Variants in HSD17B8 observed in about 807,000 individuals in gnomAD.
HSD17B8 encodes the protein hydroxysteroid 17-beta dehydrogenase 8.
In HSD17B8, 23 loss-of-function variants were observed where a neutral mutation model predicts 33.2. The observed-to-expected ratio is 0.69, with a 90% CI of 0.50 to 0.98. HSD17B8 has a LOEUF of 0.98. HSD17B8 is among the 50% of genes least tolerant of loss of function. The pLI, the probability that HSD17B8 is intolerant of heterozygous loss-of-function variation, is 0.00. For synonymous variants in HSD17B8, 137 were observed against 138.6 expected, an observed-to-expected ratio of 0.99 and a Z score of 0.08; for missense variants, 345 against 347.5, an observed-to-expected ratio of 0.99 and a Z score of 0.06.
Position 33,206,694 on chromosome 6 carries a change from C to T in HSD17B8, c.*40C>T, listed in dbSNP as rs1363780551. The T allele has an allele frequency of 6.2e-7, 1 of 1,606,644 alleles. No homozygotes were observed. ...CTGGACTCTGCTCACCCCCCCACCA[C>T]TCTGCCTGGCCTCCTGCTGATGAGG... On this transcript the variant is annotated 3_prime_UTR_variant, in exon 9 of 9. Coordinates refer to ENST00000374662, the MANE Select transcript of HSD17B8 (RefSeq NM_014234.5). The surrounding 1 kb of genome is among the most constrained non-coding windows in gnomAD (Gnocchi z 6.2).
intron 1 of HSD17B8, 40 bp downstream of exon 1, chr6:33,204,760 A>G: frequency 6.2e-7 from 1 of 1,611,140 alleles, no homozygotes. Context: ...GGGGTATTGG[A>G]GTGAGGTCAG....
In HSD17B8 at chr6:33,204,902, G is replaced by A. The variant is rs568602675; in HGVS notation, c.53G>A (p.Gly18Asp). 8 of 1,468,582 alleles carry A rather than the reference G, an allele frequency of 5.4e-6. No individual in the cohort carries two copies. In the Admixed American group the frequency reaches 7.5e-5, roughly 14 times the overall value. 91.0% of individuals were successfully genotyped at this position (1,468,582 alleles called of 1,614,324 possible). ...RLRSALALVT[G>D]AGSGIGRAVS... ...TCCGGCGTGTTCTGTCCTACCTCAGGTGCGGGGAGCGGCATCGGCCGAGCG... is the reference window on the plus strand; with the variant it reads ...TCCGGCGTGTTCTGTCCTACCTCAGATGCGGGGAGCGGCATCGGCCGAGCG... The change falls in exon 2 of 9, where the codon GGT (glycine) becomes GAT (aspartate). Residue 18 changes from glycine to aspartate, a missense_variant and splice_region_variant. Physicochemically the swap from Gly to Asp is moderately conservative, Grantham distance 94. Transcript: ENST00000374662.
chr6:33,206,601 A>AC lies in HSD17B8; in HGVS notation c.770-34dup. 1 of 1,612,732 alleles carries AC rather than the reference A, an allele frequency of 6.2e-7. No individual in the cohort carries two copies. On this transcript the variant is annotated intron_variant, in intron 8 of 8. Transcript: ENST00000374662. This position sits in a 1 kb window ranked among gnomAD's most constrained non-coding sequence, Gnocchi z 6.2. ...TACCCCCTAGCCCATTTGTGTCTCC[A>AC]CCCATGCATCTGTCCAAATGTTTCT...
In HSD17B8 at chr6:33,205,675, C is replaced by T; in HGVS notation, c.516C>T (p.Ser172=). Reference sequence around the variant, plus strand: ...TGGGGCAGACAAACTATGCAGCATCCAAGGCTGGAGTGATTGGGCTGACCC... The same window carrying T: ...TGGGGCAGACAAACTATGCAGCATCTAAGGCTGGAGTGATTGGGCTGACCC... ...GNVGQTNYAA[S]KAGVIGLTQT... Residue 172 remains serine, a synonymous_variant, in exon 5 of 9, where the codon TCC becomes TCT. Transcript: ENST00000374662. The surrounding 1 kb of genome is among the most constrained non-coding windows in gnomAD (Gnocchi z 5.0). 1 of 1,613,072 alleles carries T rather than the reference C, an allele frequency of 6.2e-7. No homozygotes were observed. Among genetic ancestry groups the T allele is most frequent in the Non-Finnish European group, 8.5e-7 (1 of 1,180,034 alleles).
In HSD17B8 at chr6:33,205,627, G is replaced by A; in HGVS notation, c.481-13G>A. 6.2e-7 allele frequency: 1 copy of A among 1,612,914 alleles called. No homozygotes were observed. Among genetic ancestry groups the A allele is most frequent in the Non-Finnish European group, 8.5e-7 (1 of 1,179,890 alleles). On this transcript the variant is annotated splice_polypyrimidine_tract_variant and intron_variant, in intron 4 of 8. Transcript: ENST00000374662. The surrounding 1 kb of genome is among the most constrained non-coding windows in gnomAD (Gnocchi z 5.0). The stretch of plus-strand genomic sequence containing the variant: ...GACTCCTGACTCATTCCACATCTCT[G>A]ACTCACCTATAGGTGGGGAACGTGG...
chr6:33,204,832 C>G, intron 1 of HSD17B8, 70 bp from the exon 2 acceptor site: 3 of 1,529,470 alleles, frequency 2.0e-6, no homozygotes, highest in Non-Finnish European at 2.6e-6. Flanking sequence ...ATTTTACTTT[C>G]TGCCCTGTGA....
rs959622244 is a variant in HSD17B8 at position 33,206,011 on chromosome 6, G to A, written c.651+99G>A. On this transcript the variant is annotated intron_variant, in intron 6 of 8. Transcript: ENST00000374662. This position sits in a 1 kb window ranked among gnomAD's most constrained non-coding sequence, Gnocchi z 6.2. ...AGAGAGAGAGAGAATACTGGGCACAGTTCCTGGCAAACATTAAATATTCAA... is the reference window on the plus strand; with the variant it reads ...AGAGAGAGAGAGAATACTGGGCACAATTCCTGGCAAACATTAAATATTCAA... The A allele has an allele frequency of 7.1e-6, 10 of 1,406,960 alleles. No homozygotes were observed. In the African/African-American group the frequency reaches 1.3e-4, roughly 18 times the overall value. 87.2% of individuals were successfully genotyped at this position (1,406,960 alleles called of 1,614,324 possible).
chr6:33,205,076 T>A lies in HSD17B8; in HGVS notation c.227T>A (p.Val76Glu). ...RGNHAAFQAD[V>E]SEARAARCLL... The stretch of plus-strand genomic sequence containing the variant: ...AACCATGCTGCCTTCCAGGCTGACG[T>A]GTCTGAGGCCAGGGCCGCCAGGTGC... Residue 76 changes from valine to glutamate, a missense_variant, in exon 2 of 9, where the codon GTG (valine) becomes GAG (glutamate). Coordinates refer to ENST00000374662, the MANE Select transcript of HSD17B8 (RefSeq NM_014234.5). This position sits in a 1 kb window ranked among gnomAD's most constrained non-coding sequence, Gnocchi z 5.0. 6.4e-7 allele frequency: 1 copy of A among 1,564,760 alleles called. No individual in the cohort carries two copies. The highest frequency in any genetic ancestry group is 8.7e-7 in the Non-Finnish European group (1 of 1,156,038).
At position 33,205,805 on chromosome 6, in the gene HSD17B8, G is replaced by A. The variant is rs928405899; in HGVS notation, c.567-23G>A. The A allele has an allele frequency of 2.5e-6, 4 of 1,612,012 alleles. No homozygotes were observed. The highest frequency in any genetic ancestry group is 3.4e-6 in the Non-Finnish European group (4 of 1,179,136). ...CCAGCATTCAGCCCTCTCCAGAATC[G>A]GCAGCCACTCTCCTTCCCACAGACA... On this transcript the variant is annotated intron_variant, in intron 5 of 8. Coordinates refer to ENST00000374662, the MANE Select transcript of HSD17B8 (RefSeq NM_014234.5). The surrounding 1 kb of genome is among the most constrained non-coding windows in gnomAD (Gnocchi z 5.0).
Position 33,206,571 on chromosome 6 carries a change from G to T in HSD17B8, c.770-67G>T. On this transcript the variant is annotated intron_variant, in intron 8 of 8. Transcript: ENST00000374662. This position sits in a 1 kb window ranked among gnomAD's most constrained non-coding sequence, Gnocchi z 6.2. ...GAGGTTCCCAAGGCCAGGGACAGAA[G>T]TGGGTACCCCCTAGCCCATTTGTGT... 1 of 1,586,380 alleles carries T rather than the reference G, an allele frequency of 6.3e-7. No homozygotes were observed. The highest frequency in any genetic ancestry group is 1.1e-5 in the South Asian group (1 of 90,510).
Position 33,205,304 on chromosome 6 carries a change from T to C in HSD17B8, c.354T>C (p.Asp118=). ...QDEFLLHMSE[D]DWDKVIAVNL... ...AGTTTCTGCTGCACATGTCTGAGGA[T>C]GACTGGGACAAAGTCATAGCTGTCA... Residue 118 remains aspartate (D), a synonymous_variant, in exon 3 of 9, where the codon GAT becomes GAC. Coordinates refer to ENST00000374662, the MANE Select transcript of HSD17B8 (RefSeq NM_014234.5). The surrounding 1 kb of genome is among the most constrained non-coding windows in gnomAD (Gnocchi z 5.0). 1 of 1,613,476 alleles carries C rather than the reference T, an allele frequency of 6.2e-7. No individual in the cohort carries two copies. Among genetic ancestry groups the C allele is most frequent in the Non-Finnish European group, 8.5e-7 (1 of 1,179,998 alleles).
Position 33,205,078 on chromosome 6 carries a change from T to C in HSD17B8, c.229T>C (p.Ser77Pro). The change falls in exon 2 of 9, where the codon TCT (serine) becomes CCT (proline). Residue 77 changes from serine to proline, a missense_variant. By Grantham distance (74) the Ser-to-Pro change is moderately conservative. Transcript: ENST00000374662. The surrounding 1 kb of genome is among the most constrained non-coding windows in gnomAD (Gnocchi z 5.0). ...GNHAAFQADVSEARAARCLLE... is the reference protein window; with the variant it reads ...GNHAAFQADVPEARAARCLLE... ...CCATGCTGCCTTCCAGGCTGACGTG[T>C]CTGAGGCCAGGGCCGCCAGGTGCCT... The C allele has an allele frequency of 6.4e-7, 1 of 1,566,046 alleles. No homozygotes were observed. The highest frequency in any genetic ancestry group is 8.6e-7 in the Non-Finnish European group (1 of 1,156,474).
Position 33,205,924 on chromosome 6 carries a change from T to C in HSD17B8, c.651+12T>C. On this transcript the variant is annotated intron_variant, in intron 6 of 8. Coordinates refer to ENST00000374662, the MANE Select transcript of HSD17B8 (RefSeq NM_014234.5). This position sits in a 1 kb window ranked among gnomAD's most constrained non-coding sequence, Gnocchi z 5.0. ...AAGTGGTGGACAAGGTAGGAGGCTG[T>C]GGGTGGAGGGCAGAATCATTCAGAG... 3 of 1,600,912 alleles carry C rather than the reference T, an allele frequency of 1.9e-6. No individual in the cohort carries two copies. Among genetic ancestry groups the C allele is most frequent in the Non-Finnish European group, 2.6e-6 (3 of 1,169,340 alleles).
At position 33,204,903 on chromosome 6, in the gene HSD17B8, T is replaced by G; in HGVS notation, c.54T>G (p.Gly18=). The change falls in exon 2 of 9, where the codon GGT becomes GGG. Residue 18 remains glycine (G), a splice_region_variant and synonymous_variant. Coordinates refer to ENST00000374662, the MANE Select transcript of HSD17B8 (RefSeq NM_014234.5). ...RLRSALALVT[G]AGSGIGRAVS... ...CCGGCGTGTTCTGTCCTACCTCAGG[T>G]GCGGGGAGCGGCATCGGCCGAGCGG... is the stretch of plus-strand genomic sequence containing the variant. The G allele has an allele frequency of 6.8e-7, 1 of 1,468,048 alleles. No individual in the cohort carries two copies. Among genetic ancestry groups the G allele is most frequent in the Non-Finnish European group, 9.0e-7 (1 of 1,109,886 alleles). The allele number at this position is 1,468,048 out of a possible 1,614,324, so 90.9% of individuals were successfully genotyped here. A position where few individuals can be genotyped will look rare whatever the true frequency, so the allele number is the denominator to read the frequency against.
In HSD17B8 at chr6:33,205,596, CCTT is replaced by C; in HGVS notation, c.481-43_481-41del. On this transcript the variant is annotated intron_variant, in intron 4 of 8. Coordinates refer to ENST00000374662, the MANE Select transcript of HSD17B8 (RefSeq NM_014234.5). The surrounding 1 kb of genome is among the most constrained non-coding windows in gnomAD (Gnocchi z 5.0). The stretch of plus-strand genomic sequence containing the variant: ...AAGTGGTATAGAGAGGAGAACCCCT[CCTT>C]GAGACTCCTGACTCATTCCACATCT... 1.2e-6 allele frequency: 2 copies of C among 1,611,368 alleles called. No homozygotes were observed. The highest frequency in any genetic ancestry group is 8.5e-7 in the Non-Finnish European group (1 of 1,178,484).
In HSD17B8 at chr6:33,205,879, GAC is replaced by G; in HGVS notation, c.622_623del (p.Gln208GlufsTer12). On this transcript the variant is annotated frameshift_variant, in exon 6 of 9. Coordinates refer to ENST00000374662, the MANE Select transcript of HSD17B8 (RefSeq NM_014234.5). LOFTEE classifies it high-confidence loss of function. The surrounding 1 kb of genome is among the most constrained non-coding windows in gnomAD (Gnocchi z 5.0). ...VLPGFIATPM[T>X]QKVPQKVVDK... ...TCCCAGGGTTCATTGCAACACCCAT[GAC>G]ACAGAAAGTGCCACAGAAAGTGGTG... 1 of 1,612,976 alleles carries G rather than the reference GAC, an allele frequency of 6.2e-7. No homozygotes were observed. Among genetic ancestry groups the G allele is most frequent in the Non-Finnish European group, 8.5e-7 (1 of 1,179,994 alleles).
At position 33,205,372 on chromosome 6, in the gene HSD17B8, T is replaced by G; in HGVS notation, c.387+35T>G. The G allele has an allele frequency of 6.2e-7, 1 of 1,606,192 alleles. No homozygotes were observed. The highest frequency in any genetic ancestry group is 8.5e-7 in the Non-Finnish European group (1 of 1,173,562). Reference sequence around the variant, plus strand: ...TCTGAACCTGCGACGTTTGGCCCCCTTAGCCTGGGGAGGGAGTTGGAGGAG... The same window carrying G: ...TCTGAACCTGCGACGTTTGGCCCCCGTAGCCTGGGGAGGGAGTTGGAGGAG... On this transcript the variant is annotated intron_variant, in intron 3 of 8. Coordinates refer to ENST00000374662, the MANE Select transcript of HSD17B8 (RefSeq NM_014234.5). The surrounding 1 kb of genome is among the most constrained non-coding windows in gnomAD (Gnocchi z 5.0).
Position 33,205,077 on chromosome 6 carries a change from G to A in HSD17B8, c.228G>A (p.Val76=). The A allele has an allele frequency of 6.4e-7, 1 of 1,566,008 alleles. No individual in the cohort carries two copies. The change falls in exon 2 of 9, where the codon GTG becomes GTA. Residue 76 remains valine, a synonymous_variant. Coordinates refer to ENST00000374662, the MANE Select transcript of HSD17B8 (RefSeq NM_014234.5). This position sits in a 1 kb window ranked among gnomAD's most constrained non-coding sequence, Gnocchi z 5.0. The part of the protein sequence containing the change: ...RGNHAAFQAD[V]SEARAARCLL... ...ACCATGCTGCCTTCCAGGCTGACGT[G>A]TCTGAGGCCAGGGCCGCCAGGTGCC... is the stretch of plus-strand genomic sequence containing the variant.
Position 33,205,468 on chromosome 6 carries a change from G to T in HSD17B8, c.409G>T (p.Ala137Ser). The change falls in exon 4 of 9, where the codon GCT becomes TCT. Residue 137 changes from alanine to serine, a missense_variant. Physicochemically the swap from Ala to Ser is moderately conservative, Grantham distance 99. Coordinates refer to ENST00000374662, the MANE Select transcript of HSD17B8 (RefSeq NM_014234.5). The surrounding 1 kb of genome is among the most constrained non-coding windows in gnomAD (Gnocchi z 5.0). ...CCAGGGCACCTTCCTAGTCACTCAG[G>T]CTGCAGCACAAGCCCTGGTGTCCAA... ...NLKGTFLVTQ[A>S]AAQALVSNGC... 2 of 1,613,132 alleles carry T rather than the reference G, an allele frequency of 1.2e-6. No individual in the cohort carries two copies. Among genetic ancestry groups the T allele is most frequent in the South Asian group, 2.2e-5 (2 of 91,086 alleles).
Sources: gnomAD v4.1 joint callset for allele counts on GRCh38, gnomAD v4.1.1 for gene constraint, Gnocchi (gnomAD v3.1) non-coding constraint, MANE v1.5 for transcripts, NCBI Gene and HGNC (gene_info 2026-07-23, HGNC 2026-07-21) for gene names.